ZNF654: variants seen among roughly 807,000 people sequenced by gnomAD.
ZNF654 encodes the protein melanoma-associated antigen.
Under a neutral mutation model 95.3 loss-of-function variants are expected in ZNF654, and 19 were observed. That is an observed-to-expected ratio of 0.20 (90% CI 0.14 to 0.29). The LOEUF is 0.29. Ranked by LOEUF, ZNF654 falls within the 10% of genes least tolerant of loss-of-function variation. ZNF654 has a pLI of 1.00. For missense variants in ZNF654, 1,046 were observed against 1,341.0 expected (o/e 0.78, Z 3.44); for synonymous variants, 413 against 457.9 (o/e 0.90, Z 1.25).
chr3:88,078,928 TTGA>T (rs534037207), intron 1 of ZNF654, among the ~76,000 whole-genome samples: 3 of 152,088 alleles, frequency 2.0e-5, no homozygotes, highest in South Asian at 2.1e-4. Context: ...GTATACAACT[TTGA>T]TGATAAAAAA....
rs537885073 is a variant in ZNF654 at position 88,093,044 on chromosome 3, T to A, written c.332+6642T>A. The stretch of plus-strand genomic sequence containing the variant: ...ATAATTCTGTCTAACTTTACCTGGG[T>A]TGACTATCCTTATAAGATGTATTTT... On this transcript the variant is annotated intron_variant, in intron 2 of 8. Coordinates refer to ENST00000636215, the MANE Select transcript of ZNF654 (RefSeq NM_001350134.2). Among the ~76,000 whole-genome samples, 5 of 152,310 alleles carry A rather than the reference T, an allele frequency of 3.3e-5. No homozygotes were observed. In the South Asian group the frequency reaches 1.0e-3, roughly 32 times the overall value.
At chr3:88,061,635 C>T (rs1706889938) in intron 1 of ZNF654, among the ~76,000 whole-genome samples, 1 of 152,024 alleles carries the variant, frequency 6.6e-6, no homozygotes, top group African/African-American at 2.4e-5. Context: ...TAAAATATTC[C>T]TTTATTAAGT....
At chr3:88,111,251 T>C (rs1705073106) in intron 2 of ZNF654, among the ~76,000 whole-genome samples, 1 of 151,906 alleles carries the variant, frequency 6.6e-6, no homozygotes, top group Admixed American at 6.6e-5. Context: ...AAATGAAAAA[T>C]TACAAAACGA....
At chr3:88,134,803 C>A (rs1336033510) in intron 6 of ZNF654, among the ~76,000 whole-genome samples, 2 of 151,992 alleles carry the variant, frequency 1.3e-5, no homozygotes, top group Non-Finnish European at 2.9e-5. Context: ...TGATCTGATA[C>A]TGGAGACATC....
chr3:88,105,330 A>G (rs1368342976), intron 2 of ZNF654, among the ~76,000 whole-genome samples: 1 of 152,166 alleles, frequency 6.6e-6, no homozygotes, highest in African/African-American at 2.4e-5. Context: ...TTCCACAGTG[A>G]TACAGACTAT....
At chr3:88,134,608 TAC>T (rs1213608188) in intron 6 of ZNF654, among the ~76,000 whole-genome samples, 5 of 152,138 alleles carry the variant, frequency 3.3e-5, no homozygotes, top group African/African-American at 1.2e-4. Flanking sequence ...ATACTATACT[TAC>T]AGTTTTAATC....
At chr3:88,065,890 T>C (rs1180101731) in intron 1 of ZNF654, among the ~76,000 whole-genome samples, 3 of 152,066 alleles carry the variant, frequency 2.0e-5, no homozygotes, top group Non-Finnish European at 4.4e-5. Context: ...TGCACCACCA[T>C]GCCCGGCTAA....
rs149243208 is a variant in ZNF654, at chr3:88,072,253, T to C, written c.186+12748T>C. ...CTGATCCAAACTATAGGTATCTTTCTCCTGGATTATTTTATTTCCCTGTTG... is the reference window on the plus strand; with the variant it reads ...CTGATCCAAACTATAGGTATCTTTCCCCTGGATTATTTTATTTCCCTGTTG... On this transcript the variant is annotated intron_variant, in intron 1 of 8. Transcript: ENST00000636215. 1.5e-3 allele frequency among the ~76,000 whole-genome samples: 231 copies of C among 152,332 alleles called. 1 individual carries two copies. The highest frequency in any genetic ancestry group is 5.3e-3 in the African/African-American group (220 of 41,584).
At chr3:88,068,129 G>A (rs1707308391) in intron 1 of ZNF654, among the ~76,000 whole-genome samples, 1 of 152,042 alleles carries the variant, frequency 6.6e-6, no homozygotes, top group South Asian at 2.1e-4. Context: ...GCTGATTAGA[G>A]AGGTATGTTG....
Position 88,086,110 on chromosome 3 carries a change from T to C in ZNF654, c.187-147T>C. The C allele has an allele frequency of 6.8e-6, 4 of 590,764 alleles. 1 individual carries two copies. The South Asian group carries it at 1.1e-4, about 17-fold the overall frequency. 36.6% of individuals were successfully genotyped at this position (590,764 alleles called of 1,614,324 possible). A position where few individuals can be genotyped will look rare whatever the true frequency, so the allele number is the denominator to read the frequency against. On this transcript the variant is annotated intron_variant, in intron 1 of 8. Transcript: ENST00000636215. ...TATTTTCAGATATATATCGTCAAAA[T>C]AAACAGTATAGAAGATCCCTCCCTC...
intron 2 of ZNF654, among the ~76,000 whole-genome samples, chr3:88,104,922 T>G (rs1481930636): frequency 6.6e-6 from 1 of 152,226 alleles, no homozygotes; most frequent in Non-Finnish European, 1.5e-5. Context: ...GCAGATTACT[T>G]CAGGCCGGAA....
At chr3:88,126,404 A>C (rs1306008651) in intron 4 of ZNF654, 135 bp downstream of exon 4, 4 of 1,037,610 alleles carry the variant, frequency 3.9e-6, no homozygotes, top group Admixed American at 3.9e-5. Context: ...TTTCACATGA[A>C]AAGTGTTTGT....
chr3:88,061,594 T>A (rs1400688777), intron 1 of ZNF654, among the ~76,000 whole-genome samples: 1 of 152,184 alleles, frequency 6.6e-6, no homozygotes, highest in Non-Finnish European at 1.5e-5. Flanking sequence ...CTTTGTGAAG[T>A]CCTTTTTTAT....
chr3:88,065,562 T>C (rs1416543489), intron 1 of ZNF654, among the ~76,000 whole-genome samples: 1 of 152,202 alleles, frequency 6.6e-6, no homozygotes, highest in Non-Finnish European at 1.5e-5. Context: ...GACTGAAATA[T>C]ACCAAAGTGT....
At chr3:88,060,665 G>A (rs148762854) in intron 1 of ZNF654, among the ~76,000 whole-genome samples, 1 of 152,174 alleles carries the variant, frequency 6.6e-6, no homozygotes, top group African/African-American at 2.4e-5. Context: ...ATATGTGAAG[G>A]GTTTGAATCA....
intron 1 of ZNF654, among the ~76,000 whole-genome samples, chr3:88,069,808 G>A (rs1274664525): frequency 5.9e-5 from 9 of 152,126 alleles, no homozygotes; most frequent in African/African-American, 2.4e-5. Context: ...ACCAGTAGAA[G>A]TTATTTTATG....
intron 6 of ZNF654, among the ~76,000 whole-genome samples, chr3:88,133,371 T>C (rs1264817117): frequency 2.0e-5 from 3 of 152,134 alleles, no homozygotes; most frequent in Admixed American, 6.6e-5. Context: ...CAATGTGTCA[T>C]TGTGTATACT....
intron 3 of ZNF654, among the ~76,000 whole-genome samples, chr3:88,122,228 A>T (rs1459790686): frequency 6.6e-6 from 1 of 152,214 alleles, no homozygotes; most frequent in African/African-American, 2.4e-5. Flanking sequence ...TGGCATAGGT[A>T]AGAAAAGACA....
chr3:88,070,603 G>T (rs1707458006), intron 1 of ZNF654, among the ~76,000 whole-genome samples: 1 of 124,440 alleles, frequency 8.0e-6, no homozygotes. Context: ...GATCATATTG[G>T]TGTTTGCCCA....
Sources: allele counts gnomAD v4.1 joint callset (sites outside exome capture counted in the v4.1 genomes callset), GRCh38; gene constraint gnomAD v4.1.1; transcripts MANE v1.5; gene names NCBI Gene and HGNC (gene_info 2026-07-23, HGNC 2026-07-21).